Variants in CTSZ observed in about 807,000 individuals in gnomAD.
CTSZ encodes carboxypeptidase LB.
In CTSZ, 39 loss-of-function variants were observed where a neutral mutation model predicts 32.4. The ratio of observed to expected loss-of-function variants is 1.20; its 90% CI spans 0.93 to 1.57. The LOEUF (loss-of-function observed/expected upper bound fraction) is 1.57. CTSZ is among the 40% of genes most tolerant of loss of function. CTSZ has a pLI of 0.00. For missense variants in CTSZ, 397 were observed against 419.6 expected, an observed-to-expected ratio of 0.95 and a Z score of 0.47; for synonymous variants, 168 against 170.1, an observed-to-expected ratio of 0.99 and a Z score of 0.10.
At chr20:58,998,083 A>T (rs1376057302) in intron 3 of CTSZ, among the ~76,000 whole-genome samples, 1 of 152,196 alleles carries the variant, frequency 6.6e-6, no homozygotes, top group African/African-American at 2.4e-5. Context: ...GAGCATAATC[A>T]AATGATTAGC....
In CTSZ at chr20:59,007,142, C is replaced by A. The variant is rs931495676; in HGVS notation, c.-14G>T. 21 of 1,341,372 alleles carry A rather than the reference C, an allele frequency of 1.6e-5. No individual in the cohort carries two copies. In the African/African-American group the frequency reaches 2.9e-4, roughly 19 times the overall value. The allele number at this position is 1,341,372 out of a possible 1,614,324, so 83.1% of individuals were successfully genotyped here. A position where few individuals can be genotyped will look rare whatever the true frequency, so the allele number is the denominator to read the frequency against. On this transcript the variant is annotated 5_prime_UTR_variant, in exon 1 of 6. Transcript: ENST00000217131. ...GCGCCTCGCCATGGCCCCGCGCCGG[C>A]TCCTGGGTCCCGCTCCGGATCCCGC...
At chr20:59,000,425 G>A (rs1200042329) in intron 3 of CTSZ, among the ~76,000 whole-genome samples, 1 of 152,180 alleles carries the variant, frequency 6.6e-6, no homozygotes, top group Non-Finnish European at 1.5e-5. Context: ...ATGGGATTAG[G>A]GTCTGGACTT....
rs993357459 is a variant in CTSZ, at chr20:59,001,840, C to T, written c.308-196G>A. On this transcript the variant is annotated intron_variant, in intron 2 of 5. Coordinates refer to ENST00000217131, the MANE Select transcript of CTSZ (RefSeq NM_001336.4). ...GCTCAGACGTCGCTCTGCAGAGAGG[C>T]CTCTCCTGGCCTTCTTTGGGCACTG... is the stretch of plus-strand genomic sequence containing the variant. Among the ~76,000 whole-genome samples the T allele has an allele frequency of 5.9e-5, 9 of 152,382 alleles. No homozygotes were observed. The Middle Eastern group carries it at 0.014, about 230-fold the overall frequency.
chr20:58,998,139 A>G (rs1296320545), intron 3 of CTSZ, among the ~76,000 whole-genome samples: 1 of 152,196 alleles, frequency 6.6e-6, no homozygotes, highest in African/African-American at 2.4e-5. Context: ...AAATAGGCCA[A>G]TACTTTGGGT....
chr20:58,999,069 T>G (rs533913767), intron 3 of CTSZ, among the ~76,000 whole-genome samples: 2 of 152,208 alleles, frequency 1.3e-5, no homozygotes, highest in South Asian at 4.1e-4. Context: ...AGAGTCTCAC[T>G]CTGTCACCCA....
intron 3 of CTSZ, 120 bp downstream of exon 3, chr20:59,001,345 C>T: frequency 1.7e-6 from 2 of 1,211,034 alleles, no homozygotes; most frequent in Non-Finnish European, 2.3e-6. Flanking sequence ...CCTCCCGCAG[C>T]TCCCCAGCCA....
intron 2 of CTSZ, among the ~76,000 whole-genome samples, chr20:59,001,952 G>A (rs982402325): frequency 1.3e-5 from 2 of 152,268 alleles, no homozygotes; most frequent in African/African-American, 4.8e-5. Flanking sequence ...GCAGACACCT[G>A]AGAAGTGCCT....
At chr20:59,001,787 C>G in intron 2 of CTSZ, 143 bp from the exon 3 acceptor site, 1 of 773,982 alleles carries the variant, frequency 1.3e-6, no homozygotes. Flanking sequence ...GTCTCCTTCT[C>G]CCTGCTGACC....
chr20:59,003,289 C>T (rs891419900), intron 2 of CTSZ, among the ~76,000 whole-genome samples: 3 of 152,222 alleles, frequency 2.0e-5, no homozygotes, highest in African/African-American at 4.8e-5. Context: ...CTGGCCTCTC[C>T]GTCTACTCCT....
chr20:58,998,961 TG>T (rs2146362198), intron 3 of CTSZ, among the ~76,000 whole-genome samples: 1 of 152,270 alleles, frequency 6.6e-6, no homozygotes, highest in South Asian at 2.1e-4. Context: ...TACGGGAAAA[TG>T]GTGGATGTGT....
chr20:58,999,932 G>C (rs1284472094), intron 3 of CTSZ, among the ~76,000 whole-genome samples: 1 of 152,220 alleles, frequency 6.6e-6, no homozygotes, highest in African/African-American at 2.4e-5. Context: ...AGCCGGGCGC[G>C]GTGGCGGGCG....
intron 3 of CTSZ, 136 bp downstream of exon 3, chr20:59,001,329 C>T (rs1000506139): frequency 3.3e-5 from 34 of 1,041,686 alleles, no homozygotes; most frequent in Non-Finnish European, 4.5e-5. Flanking sequence ...GGGCTGCAAC[C>T]TCTGCCCTCC....
chr20:58,997,518 C>G, intron 4 of CTSZ, 85 bp downstream of exon 4: 1 of 1,342,662 alleles, frequency 7.4e-7, no homozygotes, highest in Non-Finnish European at 9.8e-7. Flanking sequence ...CACCGCGGAT[C>G]TCTCCTCACC....
In CTSZ at chr20:58,995,614, G is replaced by A; in HGVS notation, c.*35C>T. ...ATCCCCTCTGGTCATGGGTCACCAT[G>A]CCTTTTCTTAAACTGCGCTTCTAGT... On this transcript the variant is annotated 3_prime_UTR_variant, in exon 6 of 6. Transcript: ENST00000217131. 6.3e-7 allele frequency: 1 copy of A among 1,584,674 alleles called. No individual in the cohort carries two copies. The highest frequency in any genetic ancestry group is 8.7e-7 in the Non-Finnish European group (1 of 1,153,384).
intron 2 of CTSZ, chr20:59,006,036 C>T (rs2091907479): frequency 2.1e-6 from 1 of 470,542 alleles, no homozygotes; most frequent in Non-Finnish European, 3.8e-6. Context: ...CTGTTTCTAT[C>T]CCAATGGCTG....
In CTSZ at chr20:58,996,641, A is replaced by G; in HGVS notation, c.799T>C (p.Trp267Arg). The G allele has an allele frequency of 3.1e-6, 5 of 1,613,856 alleles. No individual in the cohort carries two copies. The highest frequency in any genetic ancestry group is 4.2e-6 in the Non-Finnish European group (5 of 1,179,838). ...WIVRNSWGEP[W>R]GERGWLRIVT... ...TTAAGAAAATGAAAACATCTTACCC[A>G]TGGTTCACCCCATGAATTCCGGACA... The change falls in exon 5 of 6, where the codon TGG becomes CGG. Residue 267 changes from tryptophan (W) to arginine (R), a missense_variant and splice_region_variant. Physicochemically the swap from Trp to Arg is moderately radical, Grantham distance 101. Coordinates refer to ENST00000217131, the MANE Select transcript of CTSZ (RefSeq NM_001336.4).
rs2091913323 is a variant in CTSZ, at chr20:59,007,227, G to A, written c.-99C>T. The A allele has an allele frequency of 2.2e-5, 27 of 1,236,290 alleles. No individual in the cohort carries two copies. The South Asian group carries it at 6.2e-4, about 28-fold the overall frequency. The allele number at this position is 1,236,290 out of a possible 1,614,324, so 76.6% of individuals were successfully genotyped here. A position where few individuals can be genotyped will look rare whatever the true frequency, so the allele number is the denominator to read the frequency against. On this transcript the variant is annotated 5_prime_UTR_variant, in exon 1 of 6. Transcript: ENST00000217131. ...GGATCCCGCCCCGGCCTCGGCCTCGGCCCAGCACCCGGCCGACCCCGCACT... is the reference window on the plus strand; with the variant it reads ...GGATCCCGCCCCGGCCTCGGCCTCGACCCAGCACCCGGCCGACCCCGCACT...
At chr20:58,999,454 C>G (rs1263780462) in intron 3 of CTSZ, among the ~76,000 whole-genome samples, 1 of 152,174 alleles carries the variant, frequency 6.6e-6, no homozygotes, top group Non-Finnish European at 1.5e-5. Context: ...GCCCTGGAGA[C>G]CACCTGATAC....
intron 3 of CTSZ, among the ~76,000 whole-genome samples, chr20:58,999,691 G>A (rs1170014936): frequency 1.3e-5 from 2 of 152,232 alleles, no homozygotes; most frequent in Non-Finnish European, 2.9e-5. Flanking sequence ...CTGGGGCAGG[G>A]GTGGAGGCAG....
Sources: allele counts gnomAD v4.1 joint callset (sites outside exome capture counted in the v4.1 genomes callset), GRCh38; gene constraint gnomAD v4.1.1; transcripts MANE v1.5; gene names NCBI Gene and HGNC (gene_info 2026-07-23, HGNC 2026-07-21).